NME7: variants seen among roughly 807,000 people sequenced by gnomAD.
The protein encoded by NME7 is NME/NM23 family member 7, also known as nucleoside diphosphate kinase 7.
NME7 carries 41 observed loss-of-function variants against 49.1 expected under a neutral mutation model. The observed-to-expected ratio is 0.83, with a 90% CI of 0.65 to 1.08. The LOEUF is 1.08. Ranked by LOEUF, NME7 falls within the 50% of genes least tolerant of loss-of-function variation. NME7 has a pLI of 0.00. For missense variants in NME7, 423 were observed against 463.4 expected (o/e 0.91, Z 0.80); for synonymous variants, 139 against 150.6 (o/e 0.92, Z 0.56).
intron 1 of NME7, among the ~76,000 whole-genome samples, chr1:169,361,022 C>A (rs1326056058): frequency 1.3e-5 from 2 of 152,108 alleles, no homozygotes; most frequent in Non-Finnish European, 2.9e-5. Flanking sequence ...AATTTATTTT[C>A]CAATATCTGT....
intron 11 of NME7, among the ~76,000 whole-genome samples, chr1:169,161,804 T>G (rs1305443956): frequency 2.0e-5 from 3 of 152,184 alleles, no homozygotes; most frequent in African/African-American, 7.2e-5. Flanking sequence ...ATTAATATTA[T>G]GGGAGGGGCC....
chr1:169,286,199 C>T (rs1650269509), intron 7 of NME7: 1 of 133,778 alleles, frequency 7.5e-6, no homozygotes, highest in Non-Finnish European at 1.7e-5. Context: ...CATACAAATG[C>T]AGAAAAAAAT....
intron 7 of NME7, among the ~76,000 whole-genome samples, chr1:169,279,690 C>A (rs1571350577): frequency 6.6e-6 from 1 of 152,226 alleles, no homozygotes; most frequent in African/African-American, 2.4e-5. Flanking sequence ...ATGCGCTGCA[C>A]CCACTGTCCT....
chr1:169,172,097 C>T (rs141089058), intron 10 of NME7, among the ~76,000 whole-genome samples: 2,268 of 149,564 alleles, frequency 0.015, 62 homozygotes, highest in African/African-American at 0.052. Flanking sequence ...CAACTAACCA[C>T]CCTGCTTAAG....
At position 169,269,418 on chromosome 1, in the gene NME7, T is replaced by C. The variant is rs1035735567; in HGVS notation, c.754+17885A>G. 2.2e-5 allele frequency among the ~76,000 whole-genome samples: 3 copies of C among 134,242 alleles called. 1 individual carries two copies. Among genetic ancestry groups the C allele is most frequent in the Admixed American group, 1.5e-4 (2 of 13,586 alleles). 88.1% of individuals were successfully genotyped at this position (134,242 alleles called of 152,430 possible). A position where few individuals can be genotyped will look rare whatever the true frequency, so the allele number is the denominator to read the frequency against. On this transcript the variant is annotated intron_variant, in intron 7 of 11. Transcript: ENST00000367811. The stretch of plus-strand genomic sequence containing the variant: ...ACTGGGACCACTTCTGGAATTTTTG[T>C]TAAAACTGAGTTAAATATACGATGT...
At chr1:169,179,762 C>T (rs1291792707) in intron 10 of NME7, among the ~76,000 whole-genome samples, 4 of 151,964 alleles carry the variant, frequency 2.6e-5, no homozygotes, top group African/African-American at 4.8e-5. Context: ...ATGATGAAAA[C>T]ACAGGGACAC....
chr1:169,252,153 T>C (rs1298141994), intron 7 of NME7, among the ~76,000 whole-genome samples: 2 of 150,898 alleles, frequency 1.3e-5, no homozygotes, highest in African/African-American at 4.9e-5. Flanking sequence ...TCCACAATGG[T>C]TGAACTAGTT....
intron 7 of NME7, among the ~76,000 whole-genome samples, chr1:169,273,081 T>C (rs1026696327): frequency 7.5e-6 from 1 of 133,776 alleles, no homozygotes; most frequent in Admixed American, 7.4e-5. Context: ...TATTATACTT[T>C]AAGTTCTAAG....
chr1:169,240,296 TAGTG>T (rs1648027175), intron 7 of NME7, among the ~76,000 whole-genome samples: 1 of 151,982 alleles, frequency 6.6e-6, no homozygotes. Flanking sequence ...TTTTTTTAAT[TAGTG>T]AGAAGAGAGA....
chr1:169,353,021 T>C (rs1430485723), intron 1 of NME7, among the ~76,000 whole-genome samples: 1 of 151,902 alleles, frequency 6.6e-6, no homozygotes, highest in Non-Finnish European at 1.5e-5. Flanking sequence ...ATATCAATGA[T>C]ATTCTTCAAA....
Position 169,147,710 on chromosome 1 carries a change from G to C in NME7, c.1099-14893C>G, listed in dbSNP as rs549390995. ...TCAAGAGCATGACTGTATCAAATTC[G>C]TAACTATATCAAGTAAGCATTTGCC... is the stretch of plus-strand genomic sequence containing the variant. On this transcript the variant is annotated intron_variant, in intron 11 of 11. Transcript: ENST00000367811. 2.0e-5 allele frequency among the ~76,000 whole-genome samples: 3 copies of C among 152,132 alleles called. No homozygotes were observed. The East Asian group carries it at 5.8e-4, about 29-fold the overall frequency.
intron 11 of NME7, among the ~76,000 whole-genome samples, chr1:169,141,610 T>A (rs971335307): frequency 6.6e-6 from 1 of 152,224 alleles, no homozygotes; most frequent in African/African-American, 2.4e-5. Context: ...CAGTACTCTT[T>A]ACAAGAAAAA....
At chr1:169,275,676 T>TA (rs1352094762) in intron 7 of NME7, among the ~76,000 whole-genome samples, 1 of 131,060 alleles carries the variant, frequency 7.6e-6, no homozygotes, top group Non-Finnish European at 1.8e-5. Flanking sequence ...ATACCCTTTA[T>TA]TTCCTTCTCC....
intron 1 of NME7, among the ~76,000 whole-genome samples, chr1:169,347,560 T>C (rs1487112219): frequency 2.0e-5 from 3 of 152,200 alleles, no homozygotes; most frequent in African/African-American, 4.8e-5. Flanking sequence ...TGTAGTAAAT[T>C]AGATGCATCC....
intron 11 of NME7, among the ~76,000 whole-genome samples, chr1:169,153,774 T>C (rs1175402865): frequency 6.6e-6 from 1 of 152,102 alleles, no homozygotes; most frequent in Non-Finnish European, 1.5e-5. Flanking sequence ...CATGGCTCAC[T>C]GCAATCTCGA....
At chr1:169,325,989 A>G (rs1204249073) in intron 1 of NME7, among the ~76,000 whole-genome samples, 1 of 152,078 alleles carries the variant, frequency 6.6e-6, no homozygotes, top group Non-Finnish European at 1.5e-5. Flanking sequence ...GTACTCACCT[A>G]CAAATAAAAA....
intron 7 of NME7, among the ~76,000 whole-genome samples, chr1:169,240,482 T>C (rs1648044762): frequency 6.6e-6 from 1 of 151,952 alleles, no homozygotes; most frequent in African/African-American, 2.4e-5. Flanking sequence ...ACTGTGTATA[T>C]TTTCCTTTAC....
chr1:169,199,225 G>A (rs1660474963), intron 10 of NME7, among the ~76,000 whole-genome samples: 1 of 151,838 alleles, frequency 6.6e-6, no homozygotes, highest in African/African-American at 2.4e-5. Flanking sequence ...TGACAATAAT[G>A]TTAGCTAACA....
rs1159445046 is a variant in NME7 at position 169,267,195 on chromosome 1, G to GCT, written c.754+20107_754+20108insAG. ...TGCCACAAAAAGAGTAAAATATCTA[G>GCT]GAATACAGCTAACCAAGGAAGTTAA... On this transcript the variant is annotated intron_variant, in intron 7 of 11. Coordinates refer to ENST00000367811, the MANE Select transcript of NME7 (RefSeq NM_013330.5). Among the ~76,000 whole-genome samples the GCT allele has an allele frequency of 2.2e-5, 3 of 133,400 alleles. 1 individual carries two copies. Among genetic ancestry groups the GCT allele is most frequent in the Non-Finnish European group, 5.3e-5 (3 of 56,814 alleles). The allele number at this position is 133,400 out of a possible 152,430, so 87.5% of individuals were successfully genotyped here.
Sources: gnomAD v4.1 joint callset for allele counts (sites outside exome capture counted in the v4.1 genomes callset) on GRCh38, gnomAD v4.1.1 for gene constraint, MANE v1.5 for transcripts, NCBI Gene and HGNC (gene_info 2026-07-23, HGNC 2026-07-21) for gene names.